The following ODAD1 variants were observed in gnomAD, a reference collection of about 807,000 sequenced individuals.
The protein encoded by ODAD1 is outer dynein arm docking complex subunit 1, also known as outer dynein arm-docking complex subunit 1.
ODAD1 carries 49 observed loss-of-function variants against 67.2 expected under a neutral mutation model. That is an observed-to-expected ratio of 0.73 (90% CI 0.58 to 0.92). The LOEUF (loss-of-function observed/expected upper bound fraction) is 0.92. Among genes scored for constraint, ODAD1 ranks in the 40% least tolerant of loss-of-function variants. The pLI is 0.00. For synonymous variants in ODAD1, 345 were observed against 393.7 expected (o/e 0.88, Z 1.46); for missense variants, 897 against 953.7 (o/e 0.94, Z 0.78).
chr19:48,302,963 C>CGGGAGGGGGGG, intron 11 of ODAD1, 50 bp downstream of exon 11: 1 of 777,452 alleles, frequency 1.3e-6, no homozygotes, highest in South Asian at 1.3e-5. Context: ...GGGAAGGGGG[C>CGGGAGGGGGGG]GGGGAGGCCG....
intron 2 of ODAD1, 63 bp from the exon 3 acceptor site, chr19:48,320,454 A>G: frequency 3.3e-6 from 3 of 911,476 alleles, no homozygotes; most frequent in Non-Finnish European, 4.5e-6. Flanking sequence ...GAGAGGGTGG[A>G]CAATGAACTG....
In ODAD1 at chr19:48,298,317, C is replaced by A. The variant is rs1406249772; in HGVS notation, c.1264G>T (p.Ala422Ser). Residue 422 changes from alanine (A) to serine (S), a missense_variant, in exon 13 of 16, where the codon GCC becomes TCC. Transcript: ENST00000674294. ...KADIQLLFTK[A>S]HCDSSMIDDL... The stretch of plus-strand genomic sequence containing the variant: ...TCGATCATGCTGCTGTCGCAATGGG[C>A]CTTGGTGAAGAGGAGCTGGATATCT... The A allele has an allele frequency of 6.2e-7, 1 of 1,614,132 alleles. No individual in the cohort carries two copies.
In ODAD1 at chr19:48,306,648, A is replaced by G. The variant is rs79741332; in HGVS notation, c.598-325T>C. On this transcript the variant is annotated intron_variant, in intron 7 of 15. Transcript: ENST00000674294. Reference sequence around the variant, plus strand: ...AGACCTTTTGGAATAGTTTGATTTGAGAACCTTGTTAATGTTTTACATATT... The same window carrying G: ...AGACCTTTTGGAATAGTTTGATTTGGGAACCTTGTTAATGTTTTACATATT... Among the ~76,000 whole-genome samples the G allele has an allele frequency of 7.0e-3, 1,072 of 152,344 alleles. 18 individuals are homozygous for G. The highest frequency in any genetic ancestry group is 0.024 in the African/African-American group (1,007 of 41,580).
intron 8 of ODAD1, among the ~76,000 whole-genome samples, chr19:48,305,637 C>T (rs1027139362): frequency 1.3e-5 from 2 of 152,050 alleles, no homozygotes; most frequent in African/African-American, 4.8e-5. Flanking sequence ...AACTCCTGAG[C>T]TCAAGCAATC....
Position 48,311,995 on chromosome 19 carries a change from C to T in ODAD1, c.482G>A (p.Arg161Lys), listed in dbSNP as rs1449020201. The change falls in exon 6 of 16, where the codon AGG becomes AAG. Residue 161 changes from arginine (R) to lysine (K), a missense_variant and splice_region_variant. Physicochemically the swap from Arg to Lys is conservative, Grantham distance 26 (BLOSUM62 2). Transcript: ENST00000674294. Reference sequence around the variant, plus strand: ...AGGGACCAGGAGTTTGACCCTCACCCTGTCCAACTGGTTTTCTAGGATCCT... The same window carrying T: ...AGGGACCAGGAGTTTGACCCTCACCTTGTCCAACTGGTTTTCTAGGATCCT... Reference protein sequence around the residue: ...RIRILENQLDRVTCHFDNQLV... With the variant: ...RIRILENQLDKVTCHFDNQLV... The T allele has an allele frequency of 6.4e-6, 10 of 1,550,990 alleles. No homozygotes were observed. Among genetic ancestry groups the T allele is most frequent in the Non-Finnish European group, 8.7e-6 (10 of 1,146,742 alleles).
intron 12 of ODAD1, among the ~76,000 whole-genome samples, chr19:48,302,162 GTAGA>G (rs1968481199): frequency 6.7e-6 from 1 of 148,400 alleles, no homozygotes; most frequent in Non-Finnish European, 1.5e-5. Flanking sequence ...TCCTGGATGG[GTAGA>G]TAGATATAGA....
rs904313519 is a variant in ODAD1 at position 48,312,237 on chromosome 19, C to T, written c.361-121G>A. ...TGCTGTCCCTGTCACCCCAGAATAA[C>T]ATCTACCCTTCTGCTGACACTATCC... is the stretch of plus-strand genomic sequence containing the variant. On this transcript the variant is annotated intron_variant, in intron 5 of 15. Coordinates refer to ENST00000674294, the MANE Select transcript of ODAD1 (RefSeq NM_001364171.2). The T allele has an allele frequency of 2.5e-4, 175 of 711,992 alleles. 1 individual carries two copies. The highest frequency in any genetic ancestry group is 4.7e-5 in the Admixed American group (2 of 42,134). 44.1% of individuals were successfully genotyped at this position (711,992 alleles called of 1,614,324 possible).
At chr19:48,314,157 C>T (rs921686282) in intron 5 of ODAD1, among the ~76,000 whole-genome samples, 6 of 152,034 alleles carry the variant, frequency 3.9e-5, no homozygotes, top group East Asian at 3.9e-4. Context: ...GCAGGAGAAT[C>T]GCTTGAACCC....
At chr19:48,317,631 A>G (rs181712503) in intron 5 of ODAD1, among the ~76,000 whole-genome samples, 86 of 151,202 alleles carry the variant, frequency 5.7e-4, no homozygotes, top group African/African-American at 1.9e-3. Flanking sequence ...GCAAACATCT[A>G]TGTTTCCACT....
chr19:48,308,556 C>T (rs550736306), intron 7 of ODAD1, among the ~76,000 whole-genome samples: 14 of 152,354 alleles, frequency 9.2e-5, no homozygotes, highest in African/African-American at 3.4e-4. Flanking sequence ...CTGTTGCAGC[C>T]ATTACAGTAA....
chr19:48,303,515 G>A (rs1968525165), intron 10 of ODAD1, 135 bp downstream of exon 10: 2 of 1,111,260 alleles, frequency 1.8e-6, no homozygotes, highest in Admixed American at 2.4e-5. Context: ...GCGGGCGGCG[G>A]GTCCCAGGCA....
At chr19:48,304,510 T>G (rs544887166) in intron 8 of ODAD1, among the ~76,000 whole-genome samples, 1 of 151,760 alleles carries the variant, frequency 6.6e-6, no homozygotes, top group African/African-American at 2.4e-5. Flanking sequence ...TCCCAACTAC[T>G]TGGGAGGCTG....
chr19:48,303,946 G>A lies in ODAD1; in HGVS notation c.853+7C>T. 6.2e-7 allele frequency: 1 copy of A among 1,613,116 alleles called. No homozygotes were observed. Among genetic ancestry groups the A allele is most frequent in the African/African-American group, 1.3e-5 (1 of 75,058 alleles). On this transcript the variant is annotated splice_region_variant and intron_variant, in intron 9 of 15. Coordinates refer to ENST00000674294, the MANE Select transcript of ODAD1 (RefSeq NM_001364171.2). ...TTGAGATGCAAAGGCAGCAGCCCCAGCCTCACCCTGCTTTTCACGCTTCTC... is the reference window on the plus strand; with the variant it reads ...TTGAGATGCAAAGGCAGCAGCCCCAACCTCACCCTGCTTTTCACGCTTCTC...
intron 12 of ODAD1, among the ~76,000 whole-genome samples, chr19:48,300,041 A>G (rs1373694933): frequency 6.6e-6 from 1 of 150,608 alleles, no homozygotes; most frequent in Non-Finnish European, 1.5e-5. Flanking sequence ...ACAGTGGCTC[A>G]TGCATATGTA....
At chr19:48,316,003 T>C (rs1325970617) in intron 5 of ODAD1, among the ~76,000 whole-genome samples, 1 of 152,220 alleles carries the variant, frequency 6.6e-6, no homozygotes, top group Non-Finnish European at 1.5e-5. Context: ...TATATGGACA[T>C]GTGCTTTCTT....
At chr19:48,319,327 C>T in intron 3 of ODAD1, 1 of 482,234 alleles carries the variant, frequency 2.1e-6, no homozygotes, top group Non-Finnish European at 2.7e-6. Context: ...CCACCCACAG[C>T]AGACCCTACC....
chr19:48,297,260 T>TCA lies in ODAD1; in HGVS notation c.1839_1840insTG (p.Thr614Ter), dbSNP rs762817344. The TCA allele has an allele frequency of 6.2e-7, 1 of 1,613,856 alleles. No individual in the cohort carries two copies. The highest frequency in any genetic ancestry group is 2.2e-5 in the East Asian group (1 of 44,888). ...TGGCCAGTGTTGGGGTCACCGTGCGTGATGTGGCTGGGCAAATGCCCAGTG... is the reference window on the plus strand; with the variant it reads ...TGGCCAGTGTTGGGGTCACCGTGCGTCAGATGTGGCTGGGCAAATGCCCAGTG... On this transcript the variant is annotated frameshift_variant, in exon 16 of 16. Transcript: ENST00000674294. LOFTEE classifies it low-confidence loss of function (END_TRUNC).
At chr19:48,303,292 A>G in intron 10 of ODAD1, 197 bp from the exon 11 acceptor site, 2 of 625,390 alleles carry the variant, frequency 3.2e-6, no homozygotes, top group South Asian at 1.9e-5. Context: ...GGTGGGACAC[A>G]GAAATACACA....
At chr19:48,307,191 A>T (rs951189669) in intron 7 of ODAD1, among the ~76,000 whole-genome samples, 5 of 150,342 alleles carry the variant, frequency 3.3e-5, no homozygotes, top group Non-Finnish European at 5.9e-5. Context: ...TCTCAAAAGA[A>T]AAAAAAAAAG....
Sources: allele counts gnomAD v4.1 joint callset (sites outside exome capture counted in the v4.1 genomes callset), GRCh38; gene constraint gnomAD v4.1.1; transcripts MANE v1.5; gene names NCBI Gene and HGNC (gene_info 2026-07-23, HGNC 2026-07-21).